Variants in ENOX1 observed in about 807,000 individuals in gnomAD.
ENOX1 encodes the protein ecto-NOX disulfide-thiol exchanger 1, also known as candidate growth-related and time keeping constitutive hydroquinone (NADH) oxidase.
ENOX1 carries 42 observed loss-of-function variants against 82.5 expected under a neutral mutation model. That is an observed-to-expected ratio of 0.51 (90% CI 0.40 to 0.66). The LOEUF (loss-of-function observed/expected upper bound fraction) is 0.66. Ranked by LOEUF, ENOX1 falls within the 30% of genes least tolerant of loss-of-function variation. ENOX1 has a pLI of 0.00. For synonymous variants in ENOX1, 271 were observed against 282.2 expected (o/e 0.96, Z 0.40); for missense variants, 608 against 811.6 (o/e 0.75, Z 3.05).
intron 3 of ENOX1, among the ~76,000 whole-genome samples, chr13:43,468,045 C>A (rs996476122): frequency 2.0e-5 from 3 of 152,102 alleles, no homozygotes; most frequent in Admixed American, 6.5e-5. Flanking sequence ...CTGCCAGTAC[C>A]AAAGACTCTT....
At chr13:43,388,463 T>C (rs1000660968) in intron 5 of ENOX1, among the ~76,000 whole-genome samples, 3 of 152,204 alleles carry the variant, frequency 2.0e-5, no homozygotes, top group Non-Finnish European at 4.4e-5. Context: ...CAGTTCAACA[T>C]GACTGACAGT....
chr13:43,376,087 T>C (rs1309731684), intron 5 of ENOX1, among the ~76,000 whole-genome samples: 1 of 152,202 alleles, frequency 6.6e-6, no homozygotes, highest in African/African-American at 2.4e-5. Context: ...AAAGAAATAT[T>C]AGCTTGGACA....
At chr13:43,472,016 A>G (rs1032082883) in intron 3 of ENOX1, among the ~76,000 whole-genome samples, 2 of 151,882 alleles carry the variant, frequency 1.3e-5, no homozygotes, top group East Asian at 3.8e-4. Context: ...TTCACAAAAA[A>G]AAAGAAAAGA....
At chr13:43,544,080 C>G (rs531164317) in intron 2 of ENOX1, 9 of 151,984 alleles carry the variant, frequency 5.9e-5, no homozygotes, top group African/African-American at 2.2e-4. Context: ...CCACACCTGG[C>G]TAATGTTGGC....
At chr13:43,624,226 T>G (rs992702893) in intron 2 of ENOX1, among the ~76,000 whole-genome samples, 13 of 152,232 alleles carry the variant, frequency 8.5e-5, no homozygotes, top group Non-Finnish European at 1.6e-4. Context: ...TATATACTCT[T>G]CAGTAAAATA....
rs78631407 is a variant in ENOX1 at position 43,386,221 on chromosome 13, A to T, written c.209-24769T>A. 3.9e-5 allele frequency among the ~76,000 whole-genome samples: 6 copies of T among 152,312 alleles called. No homozygotes were observed. In the East Asian group the frequency reaches 1.2e-3, roughly 29 times the overall value. ...TGGTACATTCTAGGTTCTTTAAACA[A>T]CAACAACAAAAACTCTTTGATGGCA... On this transcript the variant is annotated intron_variant, in intron 5 of 16. Transcript: ENST00000690772.
At chr13:43,618,288 C>G (rs915934874) in intron 2 of ENOX1, among the ~76,000 whole-genome samples, 1 of 152,074 alleles carries the variant, frequency 6.6e-6, no homozygotes, top group Non-Finnish European at 1.5e-5. Flanking sequence ...TATTGATTTG[C>G]TTTTGAGTTT....
intron 9 of ENOX1, among the ~76,000 whole-genome samples, chr13:43,339,542 G>A (rs151127857): frequency 4.0e-4 from 61 of 152,254 alleles, no homozygotes; most frequent in African/African-American, 1.3e-3. Context: ...GCTTGTTTGC[G>A]GCCTGCTCCA....
intron 11 of ENOX1, among the ~76,000 whole-genome samples, chr13:43,300,735 A>C (rs1057386574): frequency 1.8e-4 from 27 of 152,208 alleles, no homozygotes; most frequent in Non-Finnish European, 7.3e-5. Context: ...GAAGGACATG[A>C]TGAAATTGGG....
chr13:43,529,023 GTTTCT>G (rs2078098059), intron 2 of ENOX1, among the ~76,000 whole-genome samples: 1 of 151,740 alleles, frequency 6.6e-6, no homozygotes, highest in Non-Finnish European at 1.5e-5. Flanking sequence ...TACGTTAAAC[GTTTCT>G]GCTTGTTTTA....
intron 2 of ENOX1, among the ~76,000 whole-genome samples, chr13:43,538,010 G>A (rs1294706048): frequency 6.6e-6 from 1 of 152,152 alleles, no homozygotes; most frequent in Non-Finnish European, 1.5e-5. Context: ...GGCCTTTCCT[G>A]GGCTAAGGAC....
intron 3 of ENOX1, among the ~76,000 whole-genome samples, chr13:43,463,541 G>A (rs1203230756): frequency 6.6e-6 from 1 of 152,164 alleles, no homozygotes; most frequent in Non-Finnish European, 1.5e-5. Flanking sequence ...GAAGATAAAT[G>A]TATGCAGCTA....
intron 5 of ENOX1, among the ~76,000 whole-genome samples, chr13:43,388,164 C>G (rs1335849024): frequency 6.6e-6 from 1 of 152,096 alleles, no homozygotes; most frequent in Non-Finnish European, 1.5e-5. Context: ...GAGACATGAT[C>G]TAAATAGAAA....
chr13:43,769,619 T>C (rs1416884684), intron 1 of ENOX1, among the ~76,000 whole-genome samples: 1 of 152,112 alleles, frequency 6.6e-6, no homozygotes, highest in South Asian at 2.1e-4. Context: ...AAGATACAGG[T>C]GGCCACTCAG....
chr13:43,277,040 G>A (rs960003465), intron 12 of ENOX1, among the ~76,000 whole-genome samples: 4 of 152,082 alleles, frequency 2.6e-5, no homozygotes, highest in Non-Finnish European at 5.9e-5. Context: ...GTGACCCCTG[G>A]GGGAGAAACA....
chr13:43,264,722 C>T (rs1285117891), intron 14 of ENOX1, among the ~76,000 whole-genome samples: 2 of 152,092 alleles, frequency 1.3e-5, no homozygotes, highest in Non-Finnish European at 2.9e-5. Flanking sequence ...AAGACAAAAT[C>T]ATCAAACATA....
intron 1 of ENOX1, among the ~76,000 whole-genome samples, chr13:43,730,396 T>C (rs2089272879): frequency 6.6e-6 from 1 of 152,172 alleles, no homozygotes. Context: ...AAACAAGGAC[T>C]TGGGGGTTCA....
intron 1 of ENOX1, among the ~76,000 whole-genome samples, chr13:43,668,330 G>A (rs2085085686): frequency 6.6e-6 from 1 of 152,164 alleles, no homozygotes; most frequent in Admixed American, 6.5e-5. Flanking sequence ...TCAGGCCTGT[G>A]AGTGCTAGAA....
intron 2 of ENOX1, among the ~76,000 whole-genome samples, chr13:43,577,693 G>A (rs2080507478): frequency 6.6e-6 from 1 of 152,146 alleles, no homozygotes; most frequent in African/African-American, 2.4e-5. Flanking sequence ...TACTGCTCTG[G>A]GGACTCGGTT....
Sources: allele counts gnomAD v4.1 joint callset (sites outside exome capture counted in the v4.1 genomes callset), GRCh38; gene constraint gnomAD v4.1.1; transcripts MANE v1.5; gene names NCBI Gene and HGNC (gene_info 2026-07-23, HGNC 2026-07-21).